Variants in KAT6A observed in about 807,000 individuals in gnomAD.
KAT6A encodes histone acetyltransferase KAT6A.
Under a neutral mutation model 198.4 loss-of-function variants are expected in KAT6A, and 9 were observed. The ratio of observed to expected loss-of-function variants is 0.05; its 90% CI spans 0.03 to 0.08. KAT6A has a LOEUF of 0.08. KAT6A is among the 10% of genes least tolerant of loss of function. The pLI is 1.00. For synonymous variants in KAT6A, 890 were observed against 883.0 expected (o/e 1.01, Z -0.14); for missense variants, 2,077 against 2,509.9 (o/e 0.83, Z 3.69).
chr8:42,051,018 G>C (rs1802596438), intron 1 of KAT6A, among the ~76,000 whole-genome samples: 1 of 152,094 alleles, frequency 6.6e-6, no homozygotes, highest in African/African-American at 2.4e-5. Context: ...TTAAAAACTT[G>C]GATCTGCACA....
chr8:42,039,443 A>C (rs769870472), intron 2 of KAT6A, among the ~76,000 whole-genome samples: 97 of 152,378 alleles, frequency 6.4e-4, no homozygotes, highest in Non-Finnish European at 1.1e-3. Flanking sequence ...ATTTTCTCCA[A>C]AACTTTAAAT....
At chr8:41,979,368 G>A (rs577720841) in intron 5 of KAT6A, among the ~76,000 whole-genome samples, 215 of 152,244 alleles carry the variant, frequency 1.4e-3, no homozygotes, top group Non-Finnish European at 2.2e-3. Flanking sequence ...ACTGGGCACA[G>A]TGGCTCATGC....
At chr8:41,945,555 C>T (rs1027183703) in intron 12 of KAT6A, among the ~76,000 whole-genome samples, 2 of 152,144 alleles carry the variant, frequency 1.3e-5, no homozygotes, top group Middle Eastern at 3.4e-3. Flanking sequence ...CAGGAGTGAG[C>T]CACCACACCC....
intron 9 of KAT6A, among the ~76,000 whole-genome samples, chr8:41,951,115 A>T (rs928240414): frequency 1.7e-4 from 26 of 152,154 alleles, no homozygotes; most frequent in African/African-American, 5.6e-4. Flanking sequence ...CCAGTAAATG[A>T]AGAGTTCATG....
intron 2 of KAT6A, among the ~76,000 whole-genome samples, chr8:41,997,684 A>G (rs562560608): frequency 6.6e-6 from 1 of 152,214 alleles, no homozygotes; most frequent in South Asian, 2.1e-4. Flanking sequence ...TCTCAAATCT[A>G]TCCCTCTACA....
chr8:42,043,676 A>T (rs2150929434), intron 2 of KAT6A: 1 of 152,340 alleles, frequency 6.6e-6, no homozygotes, highest in Non-Finnish European at 1.5e-5. Context: ...CTATGAAGTT[A>T]ACACCAAGGA....
chr8:42,043,652 A>T (rs960434235), intron 2 of KAT6A: 6 of 152,216 alleles, frequency 3.9e-5, no homozygotes, highest in African/African-American at 1.4e-4. Flanking sequence ...GTCCTTTAAC[A>T]ATTAGGAAAT....
At chr8:41,947,337 G>A (rs1002042592) in intron 11 of KAT6A, among the ~76,000 whole-genome samples, 32 of 152,096 alleles carry the variant, frequency 2.1e-4, no homozygotes, top group African/African-American at 7.2e-4. Flanking sequence ...TCCCTCTAAG[G>A]GAATGGAAGA....
chr8:41,951,081 G>A (rs1277846916), intron 9 of KAT6A, among the ~76,000 whole-genome samples: 1 of 151,456 alleles, frequency 6.6e-6, no homozygotes. Flanking sequence ...TAAAATCTCT[G>A]AGAAAATTAC....
chr8:42,027,367 T>A (rs1826873246), intron 2 of KAT6A, among the ~76,000 whole-genome samples: 2 of 151,974 alleles, frequency 1.3e-5, no homozygotes, highest in Admixed American at 6.6e-5. Flanking sequence ...TGGTGTTAGT[T>A]CTTCTTCTTA....
At chr8:41,990,011 G>GT (rs1219903990) in intron 2 of KAT6A, among the ~76,000 whole-genome samples, 1 of 151,222 alleles carries the variant, frequency 6.6e-6, no homozygotes, top group African/African-American at 2.4e-5. Flanking sequence ...AACTGGGGAA[G>GT]TAAGTCAGGA....
chr8:41,984,338 C>A lies in KAT6A; in HGVS notation c.710-2384G>T, dbSNP rs527524546. ...TCTCTCAGACACTCATCGGGGGAGGCCAGCTGCCATGCTGCAGGCATGCAT... is the reference window on the plus strand; with the variant it reads ...TCTCTCAGACACTCATCGGGGGAGGACAGCTGCCATGCTGCAGGCATGCAT... On this transcript the variant is annotated intron_variant, in intron 3 of 16. Coordinates refer to ENST00000265713, the MANE Select transcript of KAT6A (RefSeq NM_006766.5). 2.6e-5 allele frequency among the ~76,000 whole-genome samples: 4 copies of A among 152,288 alleles called. No homozygotes were observed. The South Asian group carries it at 6.2e-4, about 24-fold the overall frequency.
Position 41,933,737 on chromosome 8 carries a change from G to A in KAT6A, c.4483C>T (p.Arg1495Cys), listed in dbSNP as rs368743903. ...GGCACGTTGGGACTGCTGACCGAAC[G>A]GACTGACTGGCTGGGGTGAGACTGA... Reference protein sequence around the residue: ...SVQSHPSQSVRSVSSPNVPAL... With the variant: ...SVQSHPSQSVCSVSSPNVPAL... Residue 1495 changes from arginine (R) to cysteine (C), a missense_variant, in exon 17 of 17, where the codon CGT becomes TGT. Physicochemically the swap from Arg to Cys is radical, Grantham distance 180 (BLOSUM62 -3). This residue lies in a region of KAT6A where 178 missense variants were observed against 220.8 expected (regional missense o/e 0.81). Transcript: ENST00000265713. The surrounding 1 kb of genome is among the most constrained non-coding windows in gnomAD (Gnocchi z 6.2). The A allele has an allele frequency of 5.8e-5, 93 of 1,613,974 alleles. No homozygotes were observed. The highest frequency in any genetic ancestry group is 4.7e-4 in the South Asian group (43 of 91,086).
At position 41,941,138 on chromosome 8, in the gene KAT6A, C is replaced by T; in HGVS notation, c.2743G>A (p.Glu915Lys). ...KSEATQEQYT[E>K]SEEQLVASEE... ...GAAGCCACCAGCTGTTCTTCACTTT[C>T]AGTGTATTGTTCCTGGGTGGCTTCT... is the stretch of plus-strand genomic sequence containing the variant. The change falls in exon 15 of 17, where the codon GAA (glutamate) becomes AAA (lysine). Residue 915 changes from glutamate to lysine, a missense_variant. Physicochemically the swap from Glu to Lys is moderately conservative, Grantham distance 56. Coordinates refer to ENST00000265713, the MANE Select transcript of KAT6A (RefSeq NM_006766.5). 1 of 1,614,194 alleles carries T rather than the reference C, an allele frequency of 6.2e-7. No homozygotes were observed. The highest frequency in any genetic ancestry group is 1.1e-5 in the South Asian group (1 of 91,082).
chr8:42,031,044 G>GC (rs1434055457), intron 2 of KAT6A, among the ~76,000 whole-genome samples: 10 of 134,442 alleles, frequency 7.4e-5, no homozygotes, highest in Non-Finnish European at 3.2e-5. Context: ...AAAAAGGGGG[G>GC]GGGGACAGGA....
At chr8:42,015,077 G>C (rs1176985230) in intron 2 of KAT6A, among the ~76,000 whole-genome samples, 2 of 152,208 alleles carry the variant, frequency 1.3e-5, no homozygotes, top group Admixed American at 6.5e-5. Context: ...TAGTAAGGCA[G>C]AAGAGAGGAG....
intron 2 of KAT6A, among the ~76,000 whole-genome samples, chr8:42,037,458 A>C (rs1827438081): frequency 6.6e-6 from 1 of 152,200 alleles, no homozygotes; most frequent in Admixed American, 6.5e-5. Flanking sequence ...TCAGGAGTTA[A>C]ATGCTTCACT....
Position 41,933,769 on chromosome 8 carries a change from G to C in KAT6A, c.4451C>G (p.Ser1484Cys). 6.2e-7 allele frequency: 1 copy of C among 1,614,114 alleles called. No individual in the cohort carries two copies. The highest frequency in any genetic ancestry group is 2.2e-5 in the East Asian group (1 of 44,862). ...CTGGCTGGGGTGAGACTGAACGGAGGAGATAGGGCTATTATGTTCTGACGC... is the reference window on the plus strand; with the variant it reads ...CTGGCTGGGGTGAGACTGAACGGAGCAGATAGGGCTATTATGTTCTGACGC... ...CHASEHNSPISSVQSHPSQSV... is the reference protein window; with the variant it reads ...CHASEHNSPICSVQSHPSQSV... The change falls in exon 17 of 17, where the codon TCC becomes TGC. Residue 1484 changes from serine (S) to cysteine (C), a missense_variant. By Grantham distance (112) the Ser-to-Cys change is moderately radical. Transcript: ENST00000265713. This position sits in a 1 kb window ranked among gnomAD's most constrained non-coding sequence, Gnocchi z 6.2.
In KAT6A at chr8:41,933,165, AGGCTGC is replaced by A; in HGVS notation, c.5049_5054del (p.Pro1687_Gln1688del). ...GTGGGGGTGGAGGCTGCTGGGGCTG[AGGCTGC>A]GGCTGCTGTTGCGGCTGCTGCTGGG... On this transcript the variant is annotated inframe_deletion, in exon 17 of 17. Transcript: ENST00000265713. This position sits in a 1 kb window ranked among gnomAD's most constrained non-coding sequence, Gnocchi z 6.2. The A allele has an allele frequency of 1.3e-6, 2 of 1,598,596 alleles. No homozygotes were observed. Among genetic ancestry groups the A allele is most frequent in the East Asian group, 2.2e-5 (1 of 44,578 alleles).
Sources: allele counts gnomAD v4.1 joint callset (sites outside exome capture counted in the v4.1 genomes callset), GRCh38; gene constraint gnomAD v4.1.1; regional missense constraint gnomAD v4.1.1; non-coding constraint Gnocchi (gnomAD v3.1); transcripts MANE v1.5; gene names NCBI Gene and HGNC (gene_info 2026-07-23, HGNC 2026-07-21).